Variants in STEAP3 observed in about 807,000 individuals in gnomAD.
STEAP3 encodes STEAP3 metalloreductase, also known as metalloreductase STEAP3.
A neutral mutation model predicts 34.9 loss-of-function variants in STEAP3; 35 were observed. The observed-to-expected ratio is 1.00, with a 90% CI of 0.76 to 1.33. STEAP3 has a LOEUF of 1.33. STEAP3 is among the 40% of genes most tolerant of loss of function. The pLI, the probability that STEAP3 is intolerant of heterozygous loss-of-function variation, is 0.00. For synonymous variants in STEAP3, 281 were observed against 301.6 expected (o/e 0.93, Z 0.71); for missense variants, 652 against 667.6 (o/e 0.98, Z 0.26).
chr2:119,250,032 T>C (rs1677575671), intron 4 of STEAP3, among the ~76,000 whole-genome samples: 1 of 152,222 alleles, frequency 6.6e-6, no homozygotes, highest in Admixed American at 6.5e-5. Flanking sequence ...ATGAGAAATC[T>C]GAGGCACAGA....
intron 2 of STEAP3, among the ~76,000 whole-genome samples, chr2:119,232,347 G>A (rs1277468718): frequency 6.6e-6 from 1 of 152,190 alleles, no homozygotes; most frequent in Non-Finnish European, 1.5e-5. Context: ...CTGCAAAGTA[G>A]AAGGAATTAT....
intron 2 of STEAP3, 53 bp downstream of exon 2, chr2:119,231,087 C>G: frequency 6.2e-7 from 1 of 1,611,086 alleles, no homozygotes; most frequent in Admixed American, 1.7e-5. Flanking sequence ...GTGCAAACCC[C>G]TCCCACCAGC....
intron 5 of STEAP3, among the ~76,000 whole-genome samples, chr2:119,260,319 T>C (rs867073524): frequency 0.058 from 7,120 of 121,738 alleles, 208 homozygotes; most frequent in Non-Finnish European, 0.076. Context: ...TTTTTTTTTT[T>C]CTTTTTTTTT....
chr2:119,259,847 G>A (rs1677887880), intron 5 of STEAP3, among the ~76,000 whole-genome samples: 1 of 152,212 alleles, frequency 6.6e-6, no homozygotes, highest in South Asian at 2.1e-4. Flanking sequence ...GGCTCTCAGT[G>A]GGGCTTTGTC....
Position 119,263,280 on chromosome 2 carries a change from C to T in STEAP3, c.1439C>T (p.Thr480Ile). 6.2e-7 allele frequency: 1 copy of T among 1,614,002 alleles called. No homozygotes were observed. Among genetic ancestry groups the T allele is most frequent in the Non-Finnish European group, 8.5e-7 (1 of 1,180,014 alleles). The change falls in exon 6 of 6, where the codon ACC (threonine) becomes ATC (isoleucine). Residue 480 changes from threonine to isoleucine, a missense_variant. By Grantham distance (89) the Thr-to-Ile change is moderately conservative. Transcript: ENST00000393110. The stretch of plus-strand genomic sequence containing the variant: ...CGGAGAGGCTGGGAGAGGGAGAGCA[C>T]CATCAAGTTCACGCTGCCCACAGAC... ...RIRRGWERESTIKFTLPTDHA... is the reference protein window; with the variant it reads ...RIRRGWERESIIKFTLPTDHA...
chr2:119,263,017 A>G, intron 5 of STEAP3, 40 bp from the exon 6 acceptor site: 3 of 1,590,546 alleles, frequency 1.9e-6, no homozygotes, highest in Non-Finnish European at 2.6e-6. Flanking sequence ...TGCATCTGTC[A>G]TCCCCTCGCC....
At chr2:119,236,831 C>A (rs1348290885) in intron 2 of STEAP3, among the ~76,000 whole-genome samples, 1 of 152,170 alleles carries the variant, frequency 6.6e-6, no homozygotes, top group Non-Finnish European at 1.5e-5. Context: ...CAGACCCCAG[C>A]ACTTGGCACA....
intron 5 of STEAP3, among the ~76,000 whole-genome samples, chr2:119,259,909 G>C (rs13400106): frequency 0.012 from 1,840 of 152,278 alleles, 38 homozygotes; most frequent in African/African-American, 0.042. Context: ...TGAGCAGAGG[G>C]GCCCGTGTGG....
intron 1 of STEAP3, among the ~76,000 whole-genome samples, chr2:119,226,074 TG>T (rs1679031553): frequency 6.6e-6 from 1 of 152,244 alleles, no homozygotes; most frequent in African/African-American, 2.4e-5. Context: ...CCGTGCTCTG[TG>T]GCAGAGCTGG....
intron 4 of STEAP3, among the ~76,000 whole-genome samples, chr2:119,250,907 C>T (rs1040870934): frequency 6.6e-6 from 1 of 152,108 alleles, no homozygotes; most frequent in Non-Finnish European, 1.5e-5. Context: ...TCAGAGACAC[C>T]GAAGGCCTCT....
chr2:119,245,246 C>A, intron 2 of STEAP3: 1 of 500,030 alleles, frequency 2.0e-6, no homozygotes, highest in Non-Finnish European at 3.5e-6. Flanking sequence ...AATCATTCAG[C>A]AGGAGGGACA....
chr2:119,234,492 T>C (rs561493152), intron 2 of STEAP3, among the ~76,000 whole-genome samples: 1 of 152,342 alleles, frequency 6.6e-6, no homozygotes, highest in East Asian at 1.9e-4. Flanking sequence ...CCTGGCTCCA[T>C]AGCGCCCGGT....
At chr2:119,255,000 C>A in intron 5 of STEAP3, 152 bp downstream of exon 5, 1 of 965,252 alleles carries the variant, frequency 1.0e-6, no homozygotes. Context: ...ACCCAGAGGG[C>A]CCATCCAAGC....
intron 5 of STEAP3, among the ~76,000 whole-genome samples, chr2:119,255,237 A>G (rs1677742002): frequency 6.6e-6 from 1 of 152,024 alleles, no homozygotes; most frequent in Admixed American, 6.5e-5. Flanking sequence ...TCTAGGTAGG[A>G]GTCTAGGGAG....
In STEAP3 at chr2:119,248,169, C is replaced by G. The variant is rs369070148; in HGVS notation, c.1013C>G (p.Ala338Gly). 1 of 1,603,062 alleles carries G rather than the reference C, an allele frequency of 6.2e-7. No individual in the cohort carries two copies. The highest frequency in any genetic ancestry group is 1.3e-5 in the African/African-American group (1 of 74,914). ...AGCTTCTGCTTGCCGCTGCGCCGCG[C>G]CCACCGCTACGACCTGGTCAACCTG... ...LYSFCLPLRRAHRYDLVNLAV... is the reference protein window; with the variant it reads ...LYSFCLPLRRGHRYDLVNLAV... Residue 338 changes from alanine (A) to glycine (G), a missense_variant, in exon 4 of 6, where the codon GCC becomes GGC. By Grantham distance (60) the Ala-to-Gly change is moderately conservative. Coordinates refer to ENST00000393110, the MANE Select transcript of STEAP3 (RefSeq NM_182915.3).
chr2:119,249,606 C>T (rs757979802), intron 4 of STEAP3, among the ~76,000 whole-genome samples: 4 of 152,120 alleles, frequency 2.6e-5, no homozygotes, highest in Non-Finnish European at 5.9e-5. Context: ...AGGCTGGGCC[C>T]TCCCCTAAAC....
intron 4 of STEAP3, among the ~76,000 whole-genome samples, chr2:119,253,054 C>T (rs974087455): frequency 6.6e-6 from 1 of 152,322 alleles, no homozygotes; most frequent in East Asian, 1.9e-4. Context: ...CTTCTCTGGG[C>T]AGAGGTACGG....
chr2:119,224,535 TGTGGTTGG>T (rs1427088994), intron 1 of STEAP3, among the ~76,000 whole-genome samples: 1 of 151,708 alleles, frequency 6.6e-6, no homozygotes, highest in Non-Finnish European at 1.5e-5. Flanking sequence ...CCCGGAGAGG[TGTGGTTGG>T]AACTTTGGTC....
At chr2:119,234,943 C>T (rs1558744031) in intron 2 of STEAP3, among the ~76,000 whole-genome samples, 1 of 152,168 alleles carries the variant, frequency 6.6e-6, no homozygotes, top group Admixed American at 6.5e-5. Flanking sequence ...ATGAACTGTC[C>T]CAGTGAGCAG....
Sources: allele counts gnomAD v4.1 joint callset (sites outside exome capture counted in the v4.1 genomes callset), GRCh38; gene constraint gnomAD v4.1.1; transcripts MANE v1.5; gene names NCBI Gene and HGNC (gene_info 2026-07-23, HGNC 2026-07-21).